GALNT8: variants seen among roughly 807,000 people sequenced by gnomAD.
The protein encoded by GALNT8 is probable polypeptide N-acetylgalactosaminyltransferase 8.
A neutral mutation model predicts 62.7 loss-of-function variants in GALNT8; 66 were observed. That is an observed-to-expected ratio of 1.05 (90% CI 0.86 to 1.29). The LOEUF is 1.29. GALNT8 is among the 50% of genes most tolerant of loss of function. GALNT8 has a pLI of 0.00. For missense variants in GALNT8, 771 were observed against 791.8 expected (o/e 0.97, Z 0.32); for synonymous variants, 288 against 294.3 (o/e 0.98, Z 0.22).
At chr12:4,720,933 GT>G (rs1281494723) in intron 1 of GALNT8, 45 bp downstream of exon 1, 2 of 1,198,950 alleles carry the variant, frequency 1.7e-6, no homozygotes, top group Non-Finnish European at 2.5e-6. Context: ...GTGGGTGTGT[GT>G]GTTTGGGGCA....
chr12:4,720,936 T>C (rs896982070), intron 1 of GALNT8, 48 bp downstream of exon 1: 2 of 1,160,228 alleles, frequency 1.7e-6, no homozygotes, highest in Admixed American at 1.7e-5. Context: ...GGTGTGTGTG[T>C]TTGGGGCACT....
At chr12:4,742,196 A>G (rs1946275127) in intron 3 of GALNT8, among the ~76,000 whole-genome samples, 1 of 152,002 alleles carries the variant, frequency 6.6e-6, no homozygotes, top group Non-Finnish European at 1.5e-5. Flanking sequence ...TCTGCTCCTC[A>G]CCTATCTCAG....
rs1377229761 is a variant in GALNT8 at position 4,745,431 on chromosome 12, C to A, written c.863C>A (p.Ala288Glu). 6.2e-7 allele frequency: 1 copy of A among 1,601,892 alleles called. No homozygotes were observed. The highest frequency in any genetic ancestry group is 8.6e-7 in the Non-Finnish European group (1 of 1,168,844). The part of the protein sequence containing the change: ...DAHIEVNVGW[A>E]EPILARIQED... ...CTTTCTGCACACTCTTGTTCTAGGG[C>A]AGAGCCAATCTTGGCTCGGATTCAG... Residue 288 changes from alanine to glutamate, a missense_variant and splice_region_variant, in exon 5 of 11, where the codon GCA becomes GAA. Ala to Glu is a moderately radical substitution (Grantham distance 107). Transcript: ENST00000252318.
rs1946288694 is a variant in GALNT8 at position 4,744,681 on chromosome 12, A to G, written c.841A>G (p.Ile281Val). Reference sequence around the variant, plus strand: ...CGTGGTCGCCATCTTGGATGCTCACATTGAAGTCAATGTTGGGTGGTAAGG... The same window carrying G: ...CGTGGTCGCCATCTTGGATGCTCACGTTGAAGTCAATGTTGGGTGGTAAGG... ...ADVVAILDAH[I>V]EVNVGWAEPI... Residue 281 changes from isoleucine (I) to valine (V), a missense_variant, in exon 4 of 11, where the codon ATT becomes GTT. Transcript: ENST00000252318. The G allele has an allele frequency of 6.2e-7, 1 of 1,611,752 alleles. No homozygotes were observed. Among genetic ancestry groups the G allele is most frequent in the African/African-American group, 1.3e-5 (1 of 74,926 alleles).
intron 9 of GALNT8, among the ~76,000 whole-genome samples, chr12:4,765,078 G>A (rs1188414186): frequency 6.6e-6 from 1 of 152,142 alleles, no homozygotes; most frequent in African/African-American, 2.4e-5. Context: ...GAGGCCTGCA[G>A]TGACAGATTC....
chr12:4,772,582 G>T lies in GALNT8; in HGVS notation c.1899G>T (p.Gln633His), dbSNP rs1300145085. The change falls in exon 11 of 11, where the codon CAG (glutamine) becomes CAT (histidine). Residue 633 changes from glutamine (Q) to histidine (H), a missense_variant. Coordinates refer to ENST00000252318, the MANE Select transcript of GALNT8 (RefSeq NM_017417.2). The part of the protein sequence containing the change: ...EIQHTVRDWG[Q>H]TNSQ ...AGCACACTGTCAGAGACTGGGGTCA[G>T]ACCAACAGCCAGTGATCCTCAGATG... is the stretch of plus-strand genomic sequence containing the variant. The T allele has an allele frequency of 2.5e-6, 4 of 1,613,522 alleles. No individual in the cohort carries two copies. Among genetic ancestry groups the T allele is most frequent in the Non-Finnish European group, 1.7e-6 (2 of 1,179,782 alleles).
At chr12:4,772,021 C>T (rs561128952) in intron 10 of GALNT8, among the ~76,000 whole-genome samples, 1 of 152,230 alleles carries the variant, frequency 6.6e-6, no homozygotes, top group South Asian at 2.1e-4. Flanking sequence ...TGCTCCAGGC[C>T]CACAACACAG....
Position 4,746,211 on chromosome 12 carries a change from G to C in GALNT8, c.1126G>C (p.Gly376Arg). 1 of 1,613,246 alleles carries C rather than the reference G, an allele frequency of 6.2e-7. No homozygotes were observed. The highest frequency in any genetic ancestry group is 8.5e-7 in the Non-Finnish European group (1 of 1,179,202). Residue 376 changes from glycine (G) to arginine (R), a missense_variant, in exon 6 of 11, where the codon GGT becomes CGT. Gly to Arg is a moderately radical substitution (Grantham distance 125). Transcript: ENST00000252318. ...HFLGEIGSLD[G>R]GMLIYGGENV... ...CCTGGGAGAGATCGGGTCTCTGGAT[G>C]GTGGAATGCTCATCTATGGAGGAGA...
At chr12:4,757,866 G>A (rs902672069) in intron 6 of GALNT8, among the ~76,000 whole-genome samples, 1 of 152,142 alleles carries the variant, frequency 6.6e-6, no homozygotes, top group Non-Finnish European at 1.5e-5. Flanking sequence ...AAAGTCTTGA[G>A]GATGACCCTA....
At chr12:4,760,428 A>G (rs1946366186) in intron 6 of GALNT8, among the ~76,000 whole-genome samples, 1 of 152,212 alleles carries the variant, frequency 6.6e-6, no homozygotes, top group African/African-American at 2.4e-5. Flanking sequence ...TGATCCATGT[A>G]ATCAAGCACA....
chr12:4,764,409 G>A (rs11832855), intron 9 of GALNT8, among the ~76,000 whole-genome samples: 5,080 of 152,166 alleles, frequency 0.033, 277 homozygotes, highest in African/African-American at 0.12. Context: ...AAGTGGACAG[G>A]TGAAGCCACC....
chr12:4,772,174 T>G (rs1565392078), intron 10 of GALNT8, among the ~76,000 whole-genome samples: 1 of 152,234 alleles, frequency 6.6e-6, no homozygotes, highest in Non-Finnish European at 1.5e-5. Flanking sequence ...TAGTCAGTAC[T>G]GACCCAATGC....
intron 8 of GALNT8, among the ~76,000 whole-genome samples, chr12:4,763,607 T>G (rs2137543303): frequency 6.6e-6 from 1 of 152,250 alleles, no homozygotes; most frequent in East Asian, 1.9e-4. Context: ...TTGAAAACTA[T>G]AGCTCTTGCC....
At position 4,763,838 on chromosome 12, in the gene GALNT8, G is replaced by A. The variant is rs1488306614; in HGVS notation, c.1498-114G>A. 8 of 696,562 alleles carry A rather than the reference G, an allele frequency of 1.1e-5. No homozygotes were observed. In the East Asian group the frequency reaches 2.1e-4, roughly 18 times the overall value. The allele number at this position is 696,562 out of a possible 1,614,324, so 43.1% of individuals were successfully genotyped here. ...GGGATCCCAGCCCTCTGCTCCTTGTGGCTGGTCGTTCCTGGTGTCCTCGGT... is the reference window on the plus strand; with the variant it reads ...GGGATCCCAGCCCTCTGCTCCTTGTAGCTGGTCGTTCCTGGTGTCCTCGGT... On this transcript the variant is annotated intron_variant, in intron 8 of 10. Transcript: ENST00000252318.
chr12:4,725,192 A>C (rs1375661881), intron 1 of GALNT8, among the ~76,000 whole-genome samples: 1 of 152,174 alleles, frequency 6.6e-6, no homozygotes, highest in African/African-American at 2.4e-5. Flanking sequence ...TCATCACTAA[A>C]CACTAAAATG....
rs1005154768 is a variant in GALNT8 at position 4,744,627 on chromosome 12, A to G, written c.787A>G (p.Asn263Asp). ...PERKGLAQARNTGWEAATADV... is the reference protein window; with the variant it reads ...PERKGLAQARDTGWEAATADV... ...AAGGAAAGGTCTTGCTCAAGCCCGCAACACTGGCTGGGAAGCTGCCACAGC... is the reference window on the plus strand; with the variant it reads ...AAGGAAAGGTCTTGCTCAAGCCCGCGACACTGGCTGGGAAGCTGCCACAGC... The change falls in exon 4 of 11, where the codon AAC (asparagine) becomes GAC (aspartate). Residue 263 changes from asparagine to aspartate, a missense_variant. By Grantham distance (23) the Asn-to-Asp change is conservative (BLOSUM62 1). Coordinates refer to ENST00000252318, the MANE Select transcript of GALNT8 (RefSeq NM_017417.2). 1.9e-6 allele frequency: 3 copies of G among 1,613,850 alleles called. No homozygotes were observed. The highest frequency in any genetic ancestry group is 2.5e-6 in the Non-Finnish European group (3 of 1,179,768).
rs1005154768 is a variant in GALNT8, at chr12:4,744,627, A to C, written c.787A>C (p.Asn263His). The C allele has an allele frequency of 1.9e-6, 3 of 1,613,732 alleles. No individual in the cohort carries two copies. The highest frequency in any genetic ancestry group is 1.3e-5 in the African/African-American group (1 of 74,934). ...AAGGAAAGGTCTTGCTCAAGCCCGC[A>C]ACACTGGCTGGGAAGCTGCCACAGC... ...PERKGLAQAR[N>H]TGWEAATADV... is the part of the protein sequence containing the mutation. Residue 263 changes from asparagine (N) to histidine (H), a missense_variant, in exon 4 of 11, where the codon AAC (asparagine) becomes CAC (histidine). Coordinates refer to ENST00000252318, the MANE Select transcript of GALNT8 (RefSeq NM_017417.2).
intron 2 of GALNT8, among the ~76,000 whole-genome samples, chr12:4,734,243 G>T (rs1946234247): frequency 6.6e-6 from 1 of 152,174 alleles, no homozygotes; most frequent in East Asian, 1.9e-4. Flanking sequence ...CATGCAGATA[G>T]AAAGTGACAG....
At chr12:4,758,230 ATT>A (rs1405450073) in intron 6 of GALNT8, among the ~76,000 whole-genome samples, 1 of 150,976 alleles carries the variant, frequency 6.6e-6, no homozygotes, top group Non-Finnish European at 1.5e-5. Flanking sequence ...ACTTATTAGG[ATT>A]TTTCTCCAGT....
Sources: allele counts gnomAD v4.1 joint callset (sites outside exome capture counted in the v4.1 genomes callset), GRCh38; gene constraint gnomAD v4.1.1; transcripts MANE v1.5; gene names NCBI Gene and HGNC (gene_info 2026-07-23, HGNC 2026-07-21).